Variants in C6orf132 observed in about 807,000 individuals in gnomAD.
The protein encoded by C6orf132 is uncharacterized protein C6orf132.
In C6orf132, 43 loss-of-function variants were observed where a neutral mutation model predicts 65.3. That is an observed-to-expected ratio of 0.66 (90% confidence interval 0.52 to 0.85). The LOEUF (loss-of-function observed/expected upper bound fraction) is 0.85, where lower values mean the gene tolerates loss of function less well. Ranked by LOEUF, C6orf132 falls within the 40% of genes least tolerant of loss-of-function variation. C6orf132 has a pLI of 0.00. For missense variants in C6orf132, 1,488 were observed against 1,548.8 expected, an observed-to-expected ratio of 0.96 and a Z score of 0.66; for synonymous variants, 631 against 654.1, an observed-to-expected ratio of 0.96 and a Z score of 0.54.
rs80149575 is a variant in C6orf132 at position 42,103,818 on chromosome 6, C to T, written c.3510G>A (p.Gly1170=). Residue 1170 remains glycine (G), a synonymous_variant, in exon 5 of 5, where the codon GGG becomes GGA. Transcript: ENST00000341865. ...AGACATAGGAGATGGGATGGCGGGT[C>T]CCAGGCCTCACGGTGAACGTGTTGA... ...SPINTFTVRP[G]TRHPISYVCS... The T allele has an allele frequency of 2.8e-4, 419 of 1,491,966 alleles. 1 individual carries two copies. The highest frequency in any genetic ancestry group is 1.4e-3 in the Admixed American group (62 of 45,598). 92.4% of individuals were successfully genotyped at this position (1,491,966 alleles called of 1,614,324 possible).
chr6:42,111,993 C>G (rs1351178061), intron 2 of C6orf132, among the ~76,000 whole-genome samples: 1 of 149,076 alleles, frequency 6.7e-6, no homozygotes, highest in East Asian at 2.0e-4. Flanking sequence ...TACACCCATC[C>G]CACATTGTAG....
chr6:42,107,405 T>G lies in C6orf132; in HGVS notation c.507A>C (p.Thr169=). 8 of 1,355,296 alleles carry G rather than the reference T, an allele frequency of 5.9e-6. No homozygotes were observed. Among genetic ancestry groups the G allele is most frequent in the Non-Finnish European group, 7.9e-6 (8 of 1,015,082 alleles). The allele number at this position is 1,355,296 out of a possible 1,614,324, so 84.0% of individuals were successfully genotyped here. A position where few individuals can be genotyped will look rare whatever the true frequency, so the allele number is the denominator to read the frequency against. ...GCAGCAGGGGAGGTGGTGGGGGTGC[T>G]GTGGAAGGTGGAGATGGCAGTGGCG... The part of the protein sequence containing the change: ...GGSPLPSPPS[T]APPPPPLLLE... The change falls in exon 4 of 5, where the codon ACA becomes ACC. Residue 169 remains threonine (T), a synonymous_variant. Transcript: ENST00000341865.
intron 1 of C6orf132, among the ~76,000 whole-genome samples, chr6:42,137,828 G>A (rs1231749203): frequency 6.1e-5 from 9 of 146,670 alleles, no homozygotes; most frequent in African/African-American, 2.3e-4. Flanking sequence ...GGGGCGGGGC[G>A]GGGCGGGGCG....
In C6orf132 at chr6:42,124,215, T is replaced by C. The variant is rs933675065; in HGVS notation, c.252+4457A>G. Among the ~76,000 whole-genome samples the C allele has an allele frequency of 6.6e-6, 1 of 152,164 alleles. No homozygotes were observed. Among genetic ancestry groups the C allele is most frequent in the African/African-American group, 2.4e-5 (1 of 41,448 alleles). Reference sequence around the variant, plus strand: ...CAGCTGCTGGAGTATTAGCCCCTGGTCCCATCCCAGCCACTGAGGGATCCC... The same window carrying C: ...CAGCTGCTGGAGTATTAGCCCCTGGCCCCATCCCAGCCACTGAGGGATCCC... On this transcript the variant is annotated intron_variant, in intron 2 of 4. Transcript: ENST00000341865. The surrounding 1 kb of genome is among the most constrained non-coding windows in gnomAD (Gnocchi z 4.0).
chr6:42,139,020 T>A (rs1766994500), intron 1 of C6orf132, among the ~76,000 whole-genome samples: 1 of 152,168 alleles, frequency 6.6e-6, no homozygotes, highest in Non-Finnish European at 1.5e-5. Context: ...ATCACCACTC[T>A]CACATGACTG....
In C6orf132 at chr6:42,105,388, G is replaced by T. The variant is rs987662058; in HGVS notation, c.2524C>A (p.Leu842Ile). 2 of 1,536,038 alleles carry T rather than the reference G, an allele frequency of 1.3e-6. No individual in the cohort carries two copies. Among genetic ancestry groups the T allele is most frequent in the Admixed American group, 2.0e-5 (1 of 50,990 alleles). The part of the protein sequence containing the change: ...VVERGSPMAL[L>I]LAARQRAQKG... Reference sequence around the variant, plus strand: ...TGAGCCCTCTGCCTGGCCGCCAGGAGCAGGGCCATCGGCGAGCCCCGCTCC... The same window carrying T: ...TGAGCCCTCTGCCTGGCCGCCAGGATCAGGGCCATCGGCGAGCCCCGCTCC... The change falls in exon 4 of 5, where the codon CTC becomes ATC. Residue 842 changes from leucine (L) to isoleucine (I), a missense_variant. Coordinates refer to ENST00000341865, the MANE Select transcript of C6orf132 (RefSeq NM_001164446.3).
Position 42,123,979 on chromosome 6 carries a change from C to T in C6orf132, c.252+4693G>A, listed in dbSNP as rs142364467. On this transcript the variant is annotated intron_variant, in intron 2 of 4. Coordinates refer to ENST00000341865, the MANE Select transcript of C6orf132 (RefSeq NM_001164446.3). ...AGGAGGGGTCCATGTGTCATTAGGG[C>T]CTGGCTTCTCCGGTGGCCCTCCAGG... Among the ~76,000 whole-genome samples the T allele has an allele frequency of 2.6e-4, 39 of 152,304 alleles. No homozygotes were observed. In the East Asian group the frequency reaches 6.6e-3, roughly 26 times the overall value.
intron 2 of C6orf132, 146 bp downstream of exon 2, chr6:42,128,526 C>A: frequency 1.6e-6 from 1 of 628,034 alleles, no homozygotes; most frequent in Non-Finnish European, 2.8e-6. Context: ...GACCATGCCT[C>A]CTTCCAGTAG....
intron 1 of C6orf132, among the ~76,000 whole-genome samples, chr6:42,141,330 T>C: frequency 6.6e-6 from 1 of 152,166 alleles, no homozygotes; most frequent in East Asian, 1.9e-4. Context: ...GCAGGCAAGC[T>C]AAAGCAGTGA....
chr6:42,104,389 G>A lies in C6orf132; in HGVS notation c.3449+74C>T. ...AACCAAATGTTTTCTCTTGACGGAT[G>A]GCCGGGACTCCTTGGCCCTCGCCTG... On this transcript the variant is annotated intron_variant, in intron 4 of 4. Transcript: ENST00000341865. This position sits in a 1 kb window ranked among gnomAD's most constrained non-coding sequence, Gnocchi z 4.1. The A allele has an allele frequency of 8.2e-7, 1 of 1,226,718 alleles. No homozygotes were observed. Among genetic ancestry groups the A allele is most frequent in the Non-Finnish European group, 1.0e-6 (1 of 985,084 alleles). 76.0% of individuals were successfully genotyped at this position (1,226,718 alleles called of 1,614,324 possible). A position where few individuals can be genotyped will look rare whatever the true frequency, so the allele number is the denominator to read the frequency against.
At position 42,135,113 on chromosome 6, in the gene C6orf132, C is replaced by T. The variant is rs184603518; in HGVS notation, c.146-6335G>A. The stretch of plus-strand genomic sequence containing the variant: ...GTTTGGGCTGTGAGCTTGAGCTGGG[C>T]TGTGTCACTTGCAAATCATGGTGAC... On this transcript the variant is annotated intron_variant, in intron 1 of 4. Transcript: ENST00000341865. Among the ~76,000 whole-genome samples, 241 of 152,336 alleles carry T rather than the reference C, an allele frequency of 1.6e-3. 2 individuals carry two copies. The highest frequency in any genetic ancestry group is 5.4e-3 in the African/African-American group (225 of 41,566).
In C6orf132 at chr6:42,105,279, C is replaced by T; in HGVS notation, c.2633G>A (p.Ser878Asn). Residue 878 changes from serine (S) to asparagine (N), a missense_variant, in exon 4 of 5, where the codon AGC becomes AAC. Coordinates refer to ENST00000341865, the MANE Select transcript of C6orf132 (RefSeq NM_001164446.3). The stretch of plus-strand genomic sequence containing the variant: ...CTGGCTGTGGAAGATGCTGTCAGAG[C>T]TGGCCTCGGCTTGGTGGCTGTGGTC... ...LRDHSHQAEA[S>N]SDSIFHSQGT... The T allele has an allele frequency of 6.5e-7, 1 of 1,537,198 alleles. No individual in the cohort carries two copies. The highest frequency in any genetic ancestry group is 8.7e-7 in the Non-Finnish European group (1 of 1,146,896).
chr6:42,110,112 T>C (rs1766471785), intron 3 of C6orf132, 104 bp downstream of exon 3: 3 of 927,526 alleles, frequency 3.2e-6, no homozygotes, highest in Admixed American at 2.8e-5. Flanking sequence ...CTGAGGACTC[T>C]GGCTTTGTCA....
chr6:42,115,419 G>A (rs1463667112), intron 2 of C6orf132, among the ~76,000 whole-genome samples: 1 of 152,016 alleles, frequency 6.6e-6, no homozygotes, highest in Non-Finnish European at 1.5e-5. Flanking sequence ...GGCTGAGGCG[G>A]GCGGATCATG....
intron 2 of C6orf132, among the ~76,000 whole-genome samples, chr6:42,115,829 A>G (rs957185225): frequency 6.6e-5 from 10 of 151,018 alleles, no homozygotes; most frequent in Admixed American, 4.6e-4. Context: ...TAAACTCCCA[A>G]TCTTAACAGT....
At chr6:42,116,907 A>G (rs1418554481) in intron 2 of C6orf132, among the ~76,000 whole-genome samples, 2 of 152,162 alleles carry the variant, frequency 1.3e-5, no homozygotes, top group South Asian at 2.1e-4. Flanking sequence ...CCAGGGGCAG[A>G]TGGGTAGCTT....
At chr6:42,112,124 T>TAGTCATA (rs1190813611) in intron 2 of C6orf132, among the ~76,000 whole-genome samples, 1 of 152,208 alleles carries the variant, frequency 6.6e-6, no homozygotes, top group Non-Finnish European at 1.5e-5. Flanking sequence ...ACAATAATCA[T>TAGTCATA]AGTCATAATA....
At chr6:42,123,879 G>A (rs199789429) in intron 2 of C6orf132, among the ~76,000 whole-genome samples, 3 of 152,084 alleles carry the variant, frequency 2.0e-5, no homozygotes, top group South Asian at 2.1e-4. Flanking sequence ...AGCTCCTCAC[G>A]GCTCCCCAAG....
At chr6:42,135,504 G>T (rs1766927114) in intron 1 of C6orf132, among the ~76,000 whole-genome samples, 1 of 152,192 alleles carries the variant, frequency 6.6e-6, no homozygotes, top group Admixed American at 6.5e-5. Flanking sequence ...TCCCCGAGCG[G>T]AGGAGCCTCA....
Sources: gnomAD v4.1 joint callset for allele counts (sites outside exome capture counted in the v4.1 genomes callset) on GRCh38, gnomAD v4.1.1 for gene constraint, Gnocchi (gnomAD v3.1) non-coding constraint, MANE v1.5 for transcripts, NCBI Gene and HGNC (gene_info 2026-07-23, HGNC 2026-07-21) for gene names.